The following NCAM1 variants were observed in gnomAD, a reference collection of about 807,000 sequenced individuals.
NCAM1 encodes the protein antigen recognized by monoclonal antibody 5.1H11.
In NCAM1, 14 loss-of-function variants were observed where a neutral mutation model predicts 109.8. The ratio of observed to expected loss-of-function variants is 0.13; its 90% CI spans 0.08 to 0.20. NCAM1 has a LOEUF of 0.20. Among genes scored for constraint, NCAM1 ranks in the 10% least tolerant of loss-of-function variants. NCAM1 has a pLI of 1.00. For synonymous variants in NCAM1, 418 were observed against 442.9 expected (o/e 0.94, Z 0.70); for missense variants, 774 against 1,109.9 (o/e 0.70, Z 4.30).
chr11:113,027,233 T>C (rs1952573543), intron 1 of NCAM1, among the ~76,000 whole-genome samples: 1 of 152,248 alleles, frequency 6.6e-6, no homozygotes, highest in African/African-American at 2.4e-5. Context: ...TGTTTATGTG[T>C]TTTCCAAATG....
Position 113,277,064 on chromosome 11 carries a change from G to A in NCAM1, c.*1677G>A, listed in dbSNP as rs928702880. ...AAACAAAAATCACTCAAACGGAATC[G>A]AAGCCTTTTAACAAAGAAAATGAAA... On this transcript the variant is annotated 3_prime_UTR_variant, in exon 20 of 20. Coordinates refer to ENST00000316851, the MANE Select transcript of NCAM1 (RefSeq NM_181351.5). 4.2e-5 allele frequency: 14 copies of A among 331,112 alleles called. No individual in the cohort carries two copies. The highest frequency in any genetic ancestry group is 6.0e-5 in the Non-Finnish European group (11 of 183,722). 20.5% of individuals were successfully genotyped at this position (331,112 alleles called of 1,614,324 possible).
At chr11:113,013,931 G>C (rs1388655330) in intron 1 of NCAM1, among the ~76,000 whole-genome samples, 1 of 152,136 alleles carries the variant, frequency 6.6e-6, no homozygotes, top group African/African-American at 2.4e-5. Context: ...CATGATACCT[G>C]TCCTAATTGT....
chr11:113,246,267 T>A (rs1382881720), intron 14 of NCAM1, 101 bp from the exon 15 acceptor site: 1 of 663,134 alleles, frequency 1.5e-6, no homozygotes, highest in Non-Finnish European at 2.8e-6. Flanking sequence ...CCATGTGACC[T>A]CCTCCACTTT....
intron 1 of NCAM1, among the ~76,000 whole-genome samples, chr11:113,111,438 C>T (rs1009408107): frequency 1.1e-4 from 17 of 152,040 alleles, no homozygotes; most frequent in African/African-American, 7.2e-5. Flanking sequence ...TGTCTGATTC[C>T]GTATGTATGA....
At chr11:112,995,870 A>G (rs1269690074) in intron 1 of NCAM1, among the ~76,000 whole-genome samples, 1 of 152,170 alleles carries the variant, frequency 6.6e-6, no homozygotes, top group Non-Finnish European at 1.5e-5. Context: ...GGCTAGTTCT[A>G]TTGAAGTAAT....
intron 1 of NCAM1, among the ~76,000 whole-genome samples, chr11:113,120,509 A>G (rs781848363): frequency 9.2e-5 from 14 of 152,174 alleles, no homozygotes; most frequent in Non-Finnish European, 1.9e-4. Context: ...TAGGAATACC[A>G]CAGGCCCCTC....
intron 1 of NCAM1, among the ~76,000 whole-genome samples, chr11:113,014,618 G>C (rs1375892999): frequency 6.6e-6 from 1 of 152,192 alleles, no homozygotes; most frequent in African/African-American, 2.4e-5. Flanking sequence ...GTCAACATAA[G>C]AGAAGTAGTT....
chr11:113,227,080 C>T (rs1463778822), intron 9 of NCAM1, among the ~76,000 whole-genome samples: 5 of 151,652 alleles, frequency 3.3e-5, no homozygotes, highest in Non-Finnish European at 5.9e-5. Flanking sequence ...TAACTAAGAT[C>T]AGAGCAGAAC....
chr11:113,180,441 A>G (rs2136572227), intron 1 of NCAM1, among the ~76,000 whole-genome samples: 1 of 152,368 alleles, frequency 6.6e-6, no homozygotes, highest in Admixed American at 6.5e-5. Context: ...GGTAAAAACT[A>G]TAATGTGAAG....
intron 1 of NCAM1, among the ~76,000 whole-genome samples, chr11:113,171,460 C>T (rs550676743): frequency 1.3e-5 from 2 of 152,044 alleles, no homozygotes; most frequent in Non-Finnish European, 2.9e-5. Context: ...GGCGAAACCC[C>T]GTTTCTACTA....
At chr11:113,114,844 C>T (rs1555094522) in intron 1 of NCAM1, among the ~76,000 whole-genome samples, 1 of 152,182 alleles carries the variant, frequency 6.6e-6, no homozygotes, top group Non-Finnish European at 1.5e-5. Context: ...GTATTGTAGA[C>T]ATGCATCAAA....
intron 1 of NCAM1, among the ~76,000 whole-genome samples, chr11:113,093,937 T>C (rs1555089843): frequency 6.6e-6 from 1 of 152,204 alleles, no homozygotes; most frequent in Non-Finnish European, 1.5e-5. Context: ...TGTGCTGTGC[T>C]TCTCTGCAGG....
chr11:113,039,898 T>C (rs1186943721), intron 1 of NCAM1, among the ~76,000 whole-genome samples: 1 of 152,240 alleles, frequency 6.6e-6, no homozygotes, highest in Non-Finnish European at 1.5e-5. Flanking sequence ...CCCAGCACTT[T>C]GGGAGGCCAA....
chr11:113,116,240 A>G (rs782379577), intron 1 of NCAM1, among the ~76,000 whole-genome samples: 2 of 152,220 alleles, frequency 1.3e-5, no homozygotes, highest in Non-Finnish European at 2.9e-5. Context: ...GTACTCTAAA[A>G]CTATTTGTTG....
At chr11:113,188,179 G>T (rs75075113) in intron 1 of NCAM1, among the ~76,000 whole-genome samples, 3,974 of 152,252 alleles carry the variant, frequency 0.026, 167 homozygotes, top group African/African-American at 0.09. Context: ...ATGAAGGTAG[G>T]GATGCTGTTA....
At chr11:112,993,998 G>A (rs977970196) in intron 1 of NCAM1, among the ~76,000 whole-genome samples, 1 of 152,194 alleles carries the variant, frequency 6.6e-6, no homozygotes, top group South Asian at 2.1e-4. Context: ...CCCTGGATCA[G>A]CTGCACAGCT....
chr11:113,076,559 A>G (rs1938533915), intron 1 of NCAM1, among the ~76,000 whole-genome samples: 1 of 152,212 alleles, frequency 6.6e-6, no homozygotes, highest in African/African-American at 2.4e-5. Context: ...CCCCAACTAA[A>G]TAGTTGAGTG....
chr11:113,041,227 A>G (rs994724951), intron 1 of NCAM1: 2 of 152,216 alleles, frequency 1.3e-5, no homozygotes, highest in African/African-American at 2.4e-5. Flanking sequence ...TTTCATTCTC[A>G]AATCGGATAT....
At chr11:113,256,230 G>A (rs1370339627) in intron 16 of NCAM1, among the ~76,000 whole-genome samples, 3 of 152,132 alleles carry the variant, frequency 2.0e-5, no homozygotes, top group African/African-American at 7.2e-5. Context: ...TGACTGTGGT[G>A]GTGACAAACC....
Sources: allele counts gnomAD v4.1 joint callset (sites outside exome capture counted in the v4.1 genomes callset), GRCh38; gene constraint gnomAD v4.1.1; transcripts MANE v1.5; gene names NCBI Gene and HGNC (gene_info 2026-07-23, HGNC 2026-07-21).